TCF20: variants seen among roughly 807,000 people sequenced by gnomAD.
The protein encoded by TCF20 is SPRE-binding protein.
A neutral mutation model predicts 148.6 loss-of-function variants in TCF20; 3 were observed. The ratio of observed to expected loss-of-function variants is 0.02; its 90% CI spans 0.01 to 0.05. TCF20 has a LOEUF of 0.05. TCF20 is among the 10% of genes least tolerant of loss of function. The pLI, the probability that TCF20 is intolerant of heterozygous loss-of-function variation, is 1.00. For missense variants in TCF20, 2,350 were observed against 2,429.3 expected, an observed-to-expected ratio of 0.97 and a Z score of 0.69; for synonymous variants, 1,049 against 909.5, an observed-to-expected ratio of 1.15 and a Z score of -2.76.
intron 3 of TCF20, among the ~76,000 whole-genome samples, chr22:42,175,091 G>C (rs1299730347): frequency 6.6e-6 from 1 of 151,612 alleles, no homozygotes; most frequent in Non-Finnish European, 1.5e-5. Flanking sequence ...TTATATTACT[G>C]CTCCCCCTCT....
chr22:42,264,691 C>T (rs903159446), intron 1 of TCF20, among the ~76,000 whole-genome samples: 6 of 152,334 alleles, frequency 3.9e-5, no homozygotes, highest in African/African-American at 1.2e-4. Context: ...AAGTAACATC[C>T]CCTGAGTTAT....
chr22:42,198,520 T>TA (rs1211405376), intron 2 of TCF20, among the ~76,000 whole-genome samples: 1 of 152,216 alleles, frequency 6.6e-6, no homozygotes, highest in Admixed American at 6.5e-5. Flanking sequence ...CATCCTCCTG[T>TA]ATACTTTAAG....
intron 1 of TCF20, among the ~76,000 whole-genome samples, chr22:42,337,874 T>C (rs911448572): frequency 2.0e-5 from 3 of 152,308 alleles, no homozygotes; most frequent in Admixed American, 6.5e-5. Context: ...TGGCCTCATA[T>C]TCACACCCTT....
intron 1 of TCF20, among the ~76,000 whole-genome samples, chr22:42,306,929 C>T (rs1036278579): frequency 7.3e-5 from 11 of 151,562 alleles, no homozygotes; most frequent in Non-Finnish European, 1.5e-4. Flanking sequence ...ATCCCAGCTA[C>T]TCGGGATGCT....
At chr22:42,180,543 A>G (rs149273135) in intron 2 of TCF20, among the ~76,000 whole-genome samples, 159 of 152,340 alleles carry the variant, frequency 1.0e-3, no homozygotes, top group African/African-American at 3.7e-3. Flanking sequence ...GGCTCTTCAG[A>G]TAGCAGAGGC....
chr22:42,169,429 C>T (rs1315315580), intron 4 of TCF20, among the ~76,000 whole-genome samples: 1 of 152,174 alleles, frequency 6.6e-6, no homozygotes, highest in Non-Finnish European at 1.5e-5. Flanking sequence ...TTCCCCAGAG[C>T]CTTGTGGTCA....
At position 42,279,520 on chromosome 22, in the gene TCF20, C is replaced by T. The variant is rs1013907483; in HGVS notation, c.-37+4307G>A. ...GAAGGACAGAGGGCAATGTGACCTT[C>T]GGCAAGCTCCCTAAGCTCCTGAAGC... On this transcript the variant is annotated intron_variant, in intron 1 of 5. Transcript: ENST00000359486. The surrounding 1 kb of genome is among the most constrained non-coding windows in gnomAD (Gnocchi z 4.3). 5.3e-5 allele frequency among the ~76,000 whole-genome samples: 8 copies of T among 152,188 alleles called. No individual in the cohort carries two copies. Among genetic ancestry groups the T allele is most frequent in the Non-Finnish European group, 1.2e-4 (8 of 68,032 alleles).
chr22:42,213,384 T>C lies in TCF20; in HGVS notation c.1922A>G (p.Asn641Ser), dbSNP rs547085733. 7 of 1,614,166 alleles carry C rather than the reference T, an allele frequency of 4.3e-6. No individual in the cohort carries two copies. In the East Asian group the frequency reaches 1.1e-4, roughly 26 times the overall value. ...ATGACTGGTTTCCTTTGCCCCACCA[T>C]TGCTAGGTGGCCTTTGAGTGGCTGC... ...DPAATQRPPS[N>S]GGAKETSHAS... Residue 641 changes from asparagine to serine, a missense_variant, in exon 2 of 6, where the codon AAT (asparagine) becomes AGT (serine). Transcript: ENST00000677622.
At chr22:42,167,289 G>A (rs1012497622) in intron 5 of TCF20, among the ~76,000 whole-genome samples, 2 of 152,188 alleles carry the variant, frequency 1.3e-5, no homozygotes, top group Non-Finnish European at 2.9e-5. Flanking sequence ...CGTGGCAGCC[G>A]AGGGGCCTTC....
chr22:42,309,064 G>A (rs544010623), intron 1 of TCF20, among the ~76,000 whole-genome samples: 1 of 152,244 alleles, frequency 6.6e-6, no homozygotes, highest in South Asian at 2.1e-4. Context: ...GGCGGGGGAG[G>A]CTGAGAGAAG....
chr22:42,283,294 A>AG (rs1460040489), intron 1 of TCF20, among the ~76,000 whole-genome samples: 1 of 151,772 alleles, frequency 6.6e-6, no homozygotes, highest in African/African-American at 2.4e-5. Context: ...GAAATAGTGG[A>AG]GGGGGGGAGA....
chr22:42,242,218 A>AAACAAAAAAAC (rs1555942527), intron 1 of TCF20, among the ~76,000 whole-genome samples: 1 of 142,694 alleles, frequency 7.0e-6, no homozygotes, highest in African/African-American at 2.7e-5. Context: ...AAAAAAAAAA[A>AAACAAAAAAAC]AAAAAAAAAC....
At chr22:42,221,143 G>T (rs191687650) in intron 1 of TCF20, among the ~76,000 whole-genome samples, 111 of 152,330 alleles carry the variant, frequency 7.3e-4, no homozygotes, top group African/African-American at 2.4e-3. Flanking sequence ...GTGCAAGAGA[G>T]ATTTAGAAGG....
chr22:42,180,860 T>G (rs1286845481), intron 2 of TCF20, among the ~76,000 whole-genome samples: 1 of 152,248 alleles, frequency 6.6e-6, no homozygotes, highest in African/African-American at 2.4e-5. Flanking sequence ...TGATCATCTC[T>G]GGCATCCTCC....
At chr22:42,217,785 G>A (rs1032356272) in intron 1 of TCF20, among the ~76,000 whole-genome samples, 8 of 152,200 alleles carry the variant, frequency 5.3e-5, no homozygotes, top group Non-Finnish European at 4.4e-5. Flanking sequence ...CCCAGCTTGA[G>A]TCCACATGAG....
At chr22:42,308,124 T>C (rs962299572) in intron 1 of TCF20, among the ~76,000 whole-genome samples, 3 of 152,118 alleles carry the variant, frequency 2.0e-5, no homozygotes, top group Non-Finnish European at 4.4e-5. Flanking sequence ...TCCATAAACA[T>C]GTATTAAGTG....
At chr22:42,273,577 T>C (rs1046162228), upstream of TCF20, among the ~76,000 whole-genome samples, 8 of 151,524 alleles carry the variant, frequency 5.3e-5, no homozygotes, top group African/African-American at 1.9e-4. Flanking sequence ...TCTCACTGTC[T>C]CAAATGCATG....
chr22:42,275,598 G>A (rs1425512629), upstream of TCF20, among the ~76,000 whole-genome samples: 2 of 152,198 alleles, frequency 1.3e-5, no homozygotes, highest in African/African-American at 2.4e-5. Flanking sequence ...CTGCCTCAGG[G>A]GAGTCGGCGC....
intron 1 of TCF20, among the ~76,000 whole-genome samples, chr22:42,245,070 C>T (rs1173077769): frequency 1.3e-5 from 2 of 151,776 alleles, no homozygotes; most frequent in African/African-American, 2.4e-5. Flanking sequence ...GCAACAGAGC[C>T]GGATCCTGTC....
Sources: allele counts gnomAD v4.1 joint callset (sites outside exome capture counted in the v4.1 genomes callset), GRCh38; gene constraint gnomAD v4.1.1; non-coding constraint Gnocchi (gnomAD v3.1); transcripts MANE v1.5; gene names NCBI Gene and HGNC (gene_info 2026-07-23, HGNC 2026-07-21).